Variants in ANKRD44 observed in about 807,000 individuals in gnomAD.
ANKRD44 encodes the protein ankyrin repeat domain 44, also known as serine/threonine-protein phosphatase 6 regulatory ankyrin repeat subunit B.
ANKRD44 carries 35 observed loss-of-function variants against 116.0 expected under a neutral mutation model. The ratio of observed to expected loss-of-function variants is 0.30; its 90% confidence interval spans 0.23 to 0.40. The LOEUF is 0.40. ANKRD44 is among the 10% of genes least tolerant of loss of function. The probability of loss-of-function intolerance (pLI) is 1.00; values close to 1 mark genes in which losing one functional copy is unlikely to be tolerated. For missense variants in ANKRD44, 1,014 were observed against 1,242.6 expected (o/e 0.82, Z 2.77); for synonymous variants, 435 against 461.8 (o/e 0.94, Z 0.74).
In ANKRD44 at chr2:197,258,125, T is replaced by C. The variant is rs553158342; in HGVS notation, c.27+52453A>G. Among the ~76,000 whole-genome samples the C allele has an allele frequency of 1.5e-3, 221 of 152,014 alleles. 7 individuals carry two copies. In the South Asian group the frequency reaches 0.045, roughly 31 times the overall value. On this transcript the variant is annotated intron_variant, in intron 1 of 27. Transcript: ENST00000282272. ...TTTATTCATTTATTTATTTTTGAGA[T>C]GGAGTCTTGCTCTGTCACCCAGGCT...
chr2:197,262,236 G>A (rs2082624932), intron 1 of ANKRD44, among the ~76,000 whole-genome samples: 1 of 152,216 alleles, frequency 6.6e-6, no homozygotes, highest in Non-Finnish European at 1.5e-5. Flanking sequence ...GTATCTTCCT[G>A]TAGAGAAACA....
intron 9 of ANKRD44, among the ~76,000 whole-genome samples, chr2:197,103,727 A>C (rs2078359434): frequency 6.6e-6 from 1 of 152,198 alleles, no homozygotes; most frequent in Non-Finnish European, 1.5e-5. Flanking sequence ...TAGAAGATGT[A>C]GTAAAATAGA....
intron 8 of ANKRD44, among the ~76,000 whole-genome samples, chr2:197,118,833 A>T (rs575389745): frequency 2.0e-5 from 3 of 152,194 alleles, no homozygotes; most frequent in African/African-American, 7.2e-5. Context: ...TTGCATTTCA[A>T]TGTTTTCATT....
At chr2:197,245,160 T>C (rs2082164600) in intron 1 of ANKRD44, among the ~76,000 whole-genome samples, 1 of 152,068 alleles carries the variant, frequency 6.6e-6, no homozygotes, top group Admixed American at 6.6e-5. Context: ...CTGGGGAGGC[T>C]GAGAGAGGAG....
At chr2:197,044,234 T>C (rs1184628418) in intron 16 of ANKRD44, among the ~76,000 whole-genome samples, 1 of 152,222 alleles carries the variant, frequency 6.6e-6, no homozygotes, top group Non-Finnish European at 1.5e-5. Flanking sequence ...ATTTCCTAAA[T>C]GGTTGATAAA....
chr2:197,074,147 A>T (rs2077616945), intron 16 of ANKRD44, among the ~76,000 whole-genome samples: 1 of 152,176 alleles, frequency 6.6e-6, no homozygotes, highest in Non-Finnish European at 1.5e-5. Context: ...GCCCTTAATG[A>T]GAGTTCCTCA....
At chr2:197,016,055 C>A (rs751742775) in intron 17 of ANKRD44, 2 of 505,518 alleles carry the variant, frequency 4.0e-6, no homozygotes, top group Admixed American at 2.1e-5. Context: ...CAGGAGAGAG[C>A]GATGAGTTGT....
chr2:197,214,887 G>A (rs960073143), intron 1 of ANKRD44, among the ~76,000 whole-genome samples: 3 of 151,618 alleles, frequency 2.0e-5, no homozygotes, highest in Non-Finnish European at 4.4e-5. Context: ...TTTTTGTTTT[G>A]TTTTTTTTGA....
intron 1 of ANKRD44, among the ~76,000 whole-genome samples, chr2:197,241,380 T>G (rs984692821): frequency 6.6e-6 from 1 of 152,162 alleles, no homozygotes; most frequent in African/African-American, 2.4e-5. Flanking sequence ...GCATCATGGA[T>G]CTCCAAGAGG....
intron 25 of ANKRD44, 97 bp from the exon 26 acceptor site, chr2:196,995,558 G>T: frequency 2.2e-6 from 2 of 922,240 alleles, no homozygotes; most frequent in Non-Finnish European, 3.3e-6. Flanking sequence ...AATGAATGTC[G>T]TCTGCCTAAG....
chr2:197,251,201 T>C (rs1186146365), intron 1 of ANKRD44, among the ~76,000 whole-genome samples: 1 of 152,238 alleles, frequency 6.6e-6, no homozygotes, highest in African/African-American at 2.4e-5. Flanking sequence ...CCAAACCTTT[T>C]TATTGGTTTA....
chr2:197,303,335 TGACA>T (rs1372252855), intron 1 of ANKRD44, among the ~76,000 whole-genome samples: 3 of 152,244 alleles, frequency 2.0e-5, no homozygotes, highest in East Asian at 1.9e-4. Flanking sequence ...GTTCCCATTT[TGACA>T]GACAAAGAAA....
chr2:197,110,622 A>G, intron 9 of ANKRD44, 144 bp downstream of exon 9: 1 of 709,416 alleles, frequency 1.4e-6, no homozygotes, highest in Non-Finnish European at 2.5e-6. Context: ...AACAGTTTTT[A>G]GCAAAGTACA....
rs1399722428 is a variant in ANKRD44 at position 197,203,891 on chromosome 2, C to T, written c.28-16785G>A. Among the ~76,000 whole-genome samples the T allele has an allele frequency of 6.6e-6, 1 of 152,166 alleles. No homozygotes were observed. Among genetic ancestry groups the T allele is most frequent in the Non-Finnish European group, 1.5e-5 (1 of 68,030 alleles). On this transcript the variant is annotated intron_variant, in intron 1 of 27. Transcript: ENST00000282272. This position sits in a 1 kb window ranked among gnomAD's most constrained non-coding sequence, Gnocchi z 4.1. ...CAAAAGGCCACAGGCTGTATGATTC[C>T]ATTTATATGAAATAGCCACACATAG...
At chr2:197,059,450 C>T (rs2077267045) in intron 16 of ANKRD44, among the ~76,000 whole-genome samples, 1 of 152,126 alleles carries the variant, frequency 6.6e-6, no homozygotes, top group African/African-American at 2.4e-5. Flanking sequence ...AAATATATAA[C>T]TTTAAAGAAA....
chr2:196,976,573 T>C (rs572077416), intron 21 of ANKRD44, among the ~76,000 whole-genome samples: 3 of 152,140 alleles, frequency 2.0e-5, no homozygotes, highest in African/African-American at 7.2e-5. Context: ...TGTAGAAAAT[T>C]TTAAGGAATC....
At chr2:197,295,344 G>T (rs1490104928) in intron 1 of ANKRD44, among the ~76,000 whole-genome samples, 1 of 152,188 alleles carries the variant, frequency 6.6e-6, no homozygotes, top group Non-Finnish European at 1.5e-5. Context: ...TGACCCTATA[G>T]TCTTTGCCAC....
At chr2:197,134,770 A>G (rs2125382364) in intron 4 of ANKRD44, 1 of 152,286 alleles carries the variant, frequency 6.6e-6, no homozygotes, top group South Asian at 2.1e-4. Context: ...TTATTTTCCC[A>G]ACTAAAAAGA....
chr2:197,052,729 C>T (rs985926432), intron 16 of ANKRD44, among the ~76,000 whole-genome samples: 1 of 152,146 alleles, frequency 6.6e-6, no homozygotes, highest in Non-Finnish European at 1.5e-5. Context: ...ACCAGATGGC[C>T]TCAATTCGTC....
Sources: allele counts gnomAD v4.1 joint callset (sites outside exome capture counted in the v4.1 genomes callset), GRCh38; gene constraint gnomAD v4.1.1; non-coding constraint Gnocchi (gnomAD v3.1); transcripts MANE v1.5; gene names NCBI Gene and HGNC (gene_info 2026-07-23, HGNC 2026-07-21).